The following SEMA3A variants were observed in gnomAD, a reference collection of about 807,000 sequenced individuals.
SEMA3A encodes the protein semaphorin 3A, also known as semaphorin-3A.
A neutral mutation model predicts 97.9 loss-of-function variants in SEMA3A; 29 were observed. That is an observed-to-expected ratio of 0.30 (90% CI 0.22 to 0.40). SEMA3A has a LOEUF of 0.40. SEMA3A is among the 10% of genes least tolerant of loss of function. SEMA3A has a pLI of 1.00. For synonymous variants in SEMA3A, 321 were observed against 323.7 expected (o/e 0.99, Z 0.09); for missense variants, 763 against 951.3 (o/e 0.80, Z 2.60).
At chr7:84,405,149 C>T (rs1330849709) in intron 1 of SEMA3A, among the ~76,000 whole-genome samples, 1 of 152,044 alleles carries the variant, frequency 6.6e-6, no homozygotes, top group Admixed American at 6.6e-5. Context: ...TCAGGAAACC[C>T]ATCTCAGGTG....
intron 3 of SEMA3A, among the ~76,000 whole-genome samples, chr7:84,294,516 A>T (rs767663759): frequency 6.6e-6 from 1 of 152,006 alleles, no homozygotes; most frequent in Non-Finnish European, 1.5e-5. Context: ...TATTCTTCTC[A>T]TGGGAGTTAC....
chr7:84,241,780 A>G (rs1038018801), intron 3 of SEMA3A, among the ~76,000 whole-genome samples: 1 of 152,098 alleles, frequency 6.6e-6, no homozygotes, highest in African/African-American at 2.4e-5. Context: ...TTTAGTCTTT[A>G]ATCCATCTTG....
chr7:84,425,194 T>G (rs1407055094), intron 1 of SEMA3A, among the ~76,000 whole-genome samples: 1 of 115,828 alleles, frequency 8.6e-6, no homozygotes, highest in Non-Finnish European at 1.6e-5. Flanking sequence ...TATATTTACA[T>G]AAATAAATTT....
chr7:84,463,848 A>G (rs1249144544), intron 1 of SEMA3A, among the ~76,000 whole-genome samples: 1 of 151,984 alleles, frequency 6.6e-6, no homozygotes, highest in Non-Finnish European at 1.5e-5. Context: ...TATTCCTAAC[A>G]TATATTACAA....
intron 15 of SEMA3A, among the ~76,000 whole-genome samples, chr7:83,966,962 C>T (rs1181608294): frequency 2.0e-5 from 3 of 152,112 alleles, no homozygotes; most frequent in Admixed American, 6.5e-5. Context: ...TCGCCCGCCT[C>T]GGCCTCTCAA....
intron 1 of SEMA3A, among the ~76,000 whole-genome samples, chr7:84,467,539 A>G (rs1399280733): frequency 6.7e-6 from 1 of 149,212 alleles, no homozygotes; most frequent in East Asian, 1.9e-4. Flanking sequence ...AAAAAAAAAA[A>G]AAAAAAAAAA....
At chr7:84,166,299 C>A (rs1397246105) in intron 1 of SEMA3A, among the ~76,000 whole-genome samples, 1 of 148,796 alleles carries the variant, frequency 6.7e-6, no homozygotes, top group Non-Finnish European at 1.5e-5. Flanking sequence ...AGAGGCCGGG[C>A]GCAGTGGCTC....
At chr7:84,416,825 C>A (rs1246598281) in intron 1 of SEMA3A, among the ~76,000 whole-genome samples, 1 of 152,048 alleles carries the variant, frequency 6.6e-6, no homozygotes, top group African/African-American at 2.4e-5. Flanking sequence ...ATATGATTTA[C>A]AGTATTTGGA....
At chr7:84,040,917 G>A (rs930714231) in intron 6 of SEMA3A, among the ~76,000 whole-genome samples, 7 of 152,038 alleles carry the variant, frequency 4.6e-5, no homozygotes, top group African/African-American at 1.7e-4. Context: ...GGATTACCTT[G>A]AGAAAATATA....
At chr7:84,382,980 C>T (rs115733347) in intron 1 of SEMA3A, among the ~76,000 whole-genome samples, 7 of 152,050 alleles carry the variant, frequency 4.6e-5, no homozygotes, top group Admixed American at 4.6e-4. Flanking sequence ...AAACATAATA[C>T]TGGATTTTTT....
chr7:84,110,100 C>A (rs1358420400), intron 4 of SEMA3A, among the ~76,000 whole-genome samples: 1 of 152,036 alleles, frequency 6.6e-6, no homozygotes, highest in Non-Finnish European at 1.5e-5. Context: ...CAGAAGAAAA[C>A]AACTGGGTGG....
chr7:84,359,384 C>A (rs1208479509), intron 2 of SEMA3A, among the ~76,000 whole-genome samples: 1 of 151,992 alleles, frequency 6.6e-6, no homozygotes, highest in Non-Finnish European at 1.5e-5. Context: ...TTTTCTGCAT[C>A]TATTGAGATA....
chr7:84,477,621 T>G (rs1173746305), intron 1 of SEMA3A, among the ~76,000 whole-genome samples: 2 of 152,096 alleles, frequency 1.3e-5, no homozygotes. Flanking sequence ...CATCATCTTG[T>G]GTGAAAAGAA....
At chr7:84,166,473 A>C (rs2116185765) in intron 1 of SEMA3A, among the ~76,000 whole-genome samples, 1 of 151,720 alleles carries the variant, frequency 6.6e-6, no homozygotes, top group East Asian at 2.0e-4. Flanking sequence ...CGGGAGCCTA[A>C]GGCAGGAGAA....
chr7:84,273,708 T>C (rs1477302105), intron 3 of SEMA3A, among the ~76,000 whole-genome samples: 4 of 152,154 alleles, frequency 2.6e-5, no homozygotes, highest in Admixed American at 2.6e-4. Flanking sequence ...TAGTTTAATA[T>C]ATATACATGC....
intron 5 of SEMA3A, among the ~76,000 whole-genome samples, chr7:84,054,383 C>G (rs1439135504): frequency 6.6e-6 from 1 of 151,964 alleles, no homozygotes; most frequent in Non-Finnish European, 1.5e-5. Flanking sequence ...TTCACATAGT[C>G]CCATATTTCT....
intron 2 of SEMA3A, among the ~76,000 whole-genome samples, chr7:84,316,016 G>A (rs1433611665): frequency 1.3e-5 from 2 of 148,638 alleles, no homozygotes; most frequent in South Asian, 4.3e-4. Context: ...AAAAGAATGG[G>A]AGCAGTGGTG....
intron 4 of SEMA3A, among the ~76,000 whole-genome samples, chr7:84,091,213 A>AAAGAAAG (rs1491329206): frequency 6.3e-4 from 41 of 64,940 alleles, no homozygotes; most frequent in South Asian, 9.5e-4. Context: ...AGAAAGAAAG[A>AAAGAAAG]AAAGAAAAGA....
chr7:84,067,880 C>G (rs1159377164), intron 4 of SEMA3A, among the ~76,000 whole-genome samples: 35 of 149,244 alleles, frequency 2.3e-4, no homozygotes, highest in Non-Finnish European at 3.3e-4. Flanking sequence ...CCTCAGGGAT[C>G]TAGAACTGGA....
Sources: allele counts gnomAD v4.1 joint callset (sites outside exome capture counted in the v4.1 genomes callset), GRCh38; gene constraint gnomAD v4.1.1; transcripts MANE v1.5; gene names NCBI Gene and HGNC (gene_info 2026-07-23, HGNC 2026-07-21).